LRFN5: variants seen among roughly 807,000 people sequenced by gnomAD.
LRFN5 encodes leucine-rich repeat and fibronectin type-III domain-containing protein 5.
In LRFN5, 24 loss-of-function variants were observed where a neutral mutation model predicts 45.6. That is an observed-to-expected ratio of 0.53 (90% CI 0.38 to 0.74). The LOEUF is 0.74. Ranked by LOEUF, LRFN5 falls within the 30% of genes least tolerant of loss-of-function variation. LRFN5 has a pLI of 0.00. For missense variants in LRFN5, 776 were observed against 861.5 expected, an observed-to-expected ratio of 0.90 and a Z score of 1.24; for synonymous variants, 340 against 313.8, an observed-to-expected ratio of 1.08 and a Z score of -0.88.
At chr14:41,764,163 A>T (rs933650203) in intron 1 of LRFN5, among the ~76,000 whole-genome samples, 1 of 152,148 alleles carries the variant, frequency 6.6e-6, no homozygotes, top group African/African-American at 2.4e-5. Context: ...TAGAATCCTT[A>T]TGGATTTTTT....
At chr14:41,613,637 A>G (rs2138542418) in intron 1 of LRFN5, among the ~76,000 whole-genome samples, 1 of 152,132 alleles carries the variant, frequency 6.6e-6, no homozygotes, top group African/African-American at 2.4e-5. Flanking sequence ...TTTTACAAGA[A>G]TAAAAGACTC....
chr14:41,901,435 TG>T (rs1421128427), intron 5 of LRFN5, among the ~76,000 whole-genome samples: 2 of 524 alleles, frequency 3.8e-3, no homozygotes, highest in Non-Finnish European at 0.015. Context: ...GTATGCATTG[TG>T]TGTGTGTGTG....
rs192529234 is a variant in LRFN5, at chr14:41,697,422, T to C, written c.-196-69432T>C. Reference sequence around the variant, plus strand: ...TAGTTTAATAATTTTGTTTCAGTACTTTATAATTACTGTTAGACATGTGTT... The same window carrying C: ...TAGTTTAATAATTTTGTTTCAGTACCTTATAATTACTGTTAGACATGTGTT... On this transcript the variant is annotated intron_variant, in intron 1 of 5. Transcript: ENST00000298119. 1.8e-3 allele frequency among the ~76,000 whole-genome samples: 278 copies of C among 152,040 alleles called. 4 individuals carry two copies. Among genetic ancestry groups the C allele is most frequent in the South Asian group, 0.015 (70 of 4,818 alleles).
chr14:41,655,861 T>A (rs190932237), intron 1 of LRFN5, among the ~76,000 whole-genome samples: 114 of 152,130 alleles, frequency 7.5e-4, no homozygotes, highest in Non-Finnish European at 2.1e-4. Context: ...GTTGTTGAGA[T>A]GATGATAAGG....
chr14:41,746,410 A>C (rs1884922531), intron 1 of LRFN5, among the ~76,000 whole-genome samples: 1 of 152,032 alleles, frequency 6.6e-6, no homozygotes, highest in Non-Finnish European at 1.5e-5. Flanking sequence ...GGGCAAGACT[A>C]AAATATTTAC....
chr14:41,791,472 CA>C (rs1886918066), intron 2 of LRFN5, among the ~76,000 whole-genome samples: 1 of 152,024 alleles, frequency 6.6e-6, no homozygotes, highest in Non-Finnish European at 1.5e-5. Context: ...TAATAGGTAA[CA>C]ATGACTCAAC....
chr14:41,904,097 T>C (rs1891177326), intron 5 of LRFN5, 61 bp from the exon 6 acceptor site: 12 of 1,338,904 alleles, frequency 9.0e-6, no homozygotes, highest in Non-Finnish European at 1.3e-5. Flanking sequence ...TTATTAGCTA[T>C]GTGTTTTCTT....
At position 41,618,718 on chromosome 14, in the gene LRFN5, C is replaced by T. The variant is rs542007495; in HGVS notation, c.-197+10156C>T. On this transcript the variant is annotated intron_variant, in intron 1 of 5. Coordinates refer to ENST00000298119, the MANE Select transcript of LRFN5 (RefSeq NM_152447.5). ...CAGAATAAATAACTGAGACACCTGTCTTAGGTACTGAGACATAGCCAGCCA... is the reference window on the plus strand; with the variant it reads ...CAGAATAAATAACTGAGACACCTGTTTTAGGTACTGAGACATAGCCAGCCA... 1.2e-4 allele frequency among the ~76,000 whole-genome samples: 19 copies of T among 152,248 alleles called. No homozygotes were observed. In the East Asian group the frequency reaches 3.3e-3, roughly 26 times the overall value.
chr14:41,823,331 G>A (rs1241775), intron 2 of LRFN5, among the ~76,000 whole-genome samples: 74,697 of 151,602 alleles, frequency 0.49, 19,107 homozygotes, highest in African/African-American at 0.58. Context: ...CTGATCTAGC[G>A]GTGATGAATT....
At chr14:41,811,643 T>C (rs930376502) in intron 2 of LRFN5, among the ~76,000 whole-genome samples, 5 of 152,230 alleles carry the variant, frequency 3.3e-5, no homozygotes, top group South Asian at 2.1e-4. Context: ...TTCATCACAC[T>C]AATGAAAGGA....
chr14:41,773,919 CT>C (rs1256397172), intron 2 of LRFN5, among the ~76,000 whole-genome samples: 1 of 152,152 alleles, frequency 6.6e-6, no homozygotes, highest in African/African-American at 2.4e-5. Context: ...CCCATACATA[CT>C]GATACAACAG....
At chr14:41,846,228 C>CACACAT (rs1555326087) in intron 2 of LRFN5, among the ~76,000 whole-genome samples, 1 of 151,666 alleles carries the variant, frequency 6.6e-6, no homozygotes, top group Non-Finnish European at 1.5e-5. Flanking sequence ...CACACACACA[C>CACACAT]ACACGCACAC....
chr14:41,772,637 C>A (rs1056810631), intron 2 of LRFN5, among the ~76,000 whole-genome samples: 2 of 152,148 alleles, frequency 1.3e-5, no homozygotes, highest in Non-Finnish European at 2.9e-5. Flanking sequence ...ATAGCACAGA[C>A]CTTGCTAGTC....
intron 2 of LRFN5, among the ~76,000 whole-genome samples, chr14:41,809,783 A>T (rs969409709): frequency 6.6e-6 from 1 of 151,986 alleles, no homozygotes; most frequent in Non-Finnish European, 1.5e-5. Flanking sequence ...TATAGGAGAT[A>T]TACATACACA....
intron 2 of LRFN5, among the ~76,000 whole-genome samples, chr14:41,834,477 C>G (rs1888594426): frequency 6.6e-6 from 1 of 152,178 alleles, no homozygotes; most frequent in Non-Finnish European, 1.5e-5. Context: ...ACATTCACCT[C>G]TGCTCACAGT....
intron 1 of LRFN5, among the ~76,000 whole-genome samples, chr14:41,675,425 A>C (rs2138673184): frequency 6.6e-6 from 1 of 152,230 alleles, no homozygotes; most frequent in Admixed American, 6.5e-5. Flanking sequence ...ACACAGCGAA[A>C]CCCCGTCTCC....
At chr14:41,628,156 A>C (rs1426685109) in intron 1 of LRFN5, among the ~76,000 whole-genome samples, 1 of 152,300 alleles carries the variant, frequency 6.6e-6, no homozygotes, top group East Asian at 1.9e-4. Context: ...TTCAGCAGTG[A>C]GTTCTTGAAT....
chr14:41,781,568 GAAAGAAAGAAAGAAAGAAAGAAA>G (rs1886493062), intron 2 of LRFN5, among the ~76,000 whole-genome samples: 1 of 52,900 alleles, frequency 1.9e-5, no homozygotes. Flanking sequence ...GAGAAAGAAA[GAAAGAAAGAAAGAAAGAAAGAAA>G]GAAAGAAAGA....
chr14:41,842,803 T>C (rs1888908417), intron 2 of LRFN5, among the ~76,000 whole-genome samples: 1 of 152,060 alleles, frequency 6.6e-6, no homozygotes, highest in South Asian at 2.1e-4. Context: ...TTTTAGTCAT[T>C]TTGGTGTTTT....
Sources: gnomAD v4.1 joint callset for allele counts (sites outside exome capture counted in the v4.1 genomes callset) on GRCh38, gnomAD v4.1.1 for gene constraint, MANE v1.5 for transcripts, NCBI Gene and HGNC (gene_info 2026-07-23, HGNC 2026-07-21) for gene names.